IL17RC: variants seen among roughly 807,000 people sequenced by gnomAD.
IL17RC encodes interleukin-17 receptor C.
Under a neutral mutation model 86.7 loss-of-function variants are expected in IL17RC, and 53 were observed. The ratio of observed to expected loss-of-function variants is 0.61; its 90% CI spans 0.49 to 0.77. The LOEUF (loss-of-function observed/expected upper bound fraction) is 0.77, where lower values mean the gene tolerates loss of function less well. IL17RC is among the 30% of genes least tolerant of loss of function. IL17RC has a pLI of 0.00. For missense variants in IL17RC, 957 were observed against 940.0 expected, an observed-to-expected ratio of 1.02 and a Z score of -0.24; for synonymous variants, 439 against 413.1, an observed-to-expected ratio of 1.06 and a Z score of -0.76.
chr3:9,932,587 C>T (rs2084847414), intron 16 of IL17RC, 21 bp from the exon 17 acceptor site: 1 of 1,608,580 alleles, frequency 6.2e-7, no homozygotes, highest in Non-Finnish European at 8.5e-7. Flanking sequence ...GTTTCTAACT[C>T]TTCTTCTCTG....
Position 9,917,271 on chromosome 3 carries a change from G to C in IL17RC, c.-45G>C. On this transcript the variant is annotated 5_prime_UTR_variant, in exon 1 of 19. Coordinates refer to ENST00000403601, the MANE Select transcript of IL17RC (RefSeq NM_153460.4). Reference sequence around the variant, plus strand: ...GGGGTGTCTGCCCCCCTTGGGGGGGGGCAGCACAGGGCCTCAGGCCTGGGT... The same window carrying C: ...GGGGTGTCTGCCCCCCTTGGGGGGGCGCAGCACAGGGCCTCAGGCCTGGGT... 2 of 1,521,114 alleles carry C rather than the reference G, an allele frequency of 1.3e-6. No homozygotes were observed. The highest frequency in any genetic ancestry group is 8.9e-7 in the Non-Finnish European group (1 of 1,119,500). The allele number at this position is 1,521,114 out of a possible 1,614,324, so 94.2% of individuals were successfully genotyped here. A position where few individuals can be genotyped will look rare whatever the true frequency, so the allele number is the denominator to read the frequency against.
intron 7 of IL17RC, among the ~76,000 whole-genome samples, chr3:9,921,331 T>G (rs1458885082): frequency 6.6e-5 from 10 of 152,052 alleles, no homozygotes; most frequent in Non-Finnish European, 1.5e-5. Flanking sequence ...GGTGTGCATT[T>G]GTGGTCCCAG....
intron 3 of IL17RC, 100 bp downstream of exon 3, chr3:9,918,175 G>A: frequency 7.2e-7 from 1 of 1,392,604 alleles, no homozygotes; most frequent in Non-Finnish European, 9.8e-7. Flanking sequence ...GGCATCCTCA[G>A]TGTTCTCCTG....
intron 3 of IL17RC, 30 bp downstream of exon 3, chr3:9,918,105 T>C (rs1230348560): frequency 7.1e-6 from 11 of 1,552,524 alleles, no homozygotes; most frequent in Non-Finnish European, 9.6e-6. Context: ...ACAGTGCATG[T>C]GTACACGTGA....
chr3:9,920,846 C>T (rs1559295785), intron 6 of IL17RC, 79 bp from the exon 7 acceptor site: 1 of 1,162,284 alleles, frequency 8.6e-7, no homozygotes, highest in Non-Finnish European at 1.2e-6. Context: ...TTCCTAATGC[C>T]CCCCTGGGAG....
At chr3:9,929,754 C>G in intron 12 of IL17RC, 98 bp from the exon 13 acceptor site, 1 of 1,350,504 alleles carries the variant, frequency 7.4e-7, no homozygotes, top group Non-Finnish European at 1.1e-6. Flanking sequence ...GTGCAGATTC[C>G]CAACCCAACA....
At position 9,930,325 on chromosome 3, in the gene IL17RC, C is replaced by A; in HGVS notation, c.1279-75C>A. Reference sequence around the variant, plus strand: ...CCAGTCCCCTCTACCTCATTCTACCCAGCTGTAGCCTGGTAGGTGCTGCCC... The same window carrying A: ...CCAGTCCCCTCTACCTCATTCTACCAAGCTGTAGCCTGGTAGGTGCTGCCC... On this transcript the variant is annotated intron_variant, in intron 14 of 18. Transcript: ENST00000403601. This position sits in a 1 kb window ranked among gnomAD's most constrained non-coding sequence, Gnocchi z 5.8. 6.4e-7 allele frequency: 1 copy of A among 1,565,074 alleles called. No homozygotes were observed.
intron 8 of IL17RC, 65 bp downstream of exon 8, chr3:9,924,085 G>T: frequency 2.5e-6 from 4 of 1,610,742 alleles, no homozygotes; most frequent in Non-Finnish European, 3.4e-6. Flanking sequence ...AGGACGCAGT[G>T]CCATATCAGA....
chr3:9,920,165 T>C (rs2083425162), intron 5 of IL17RC, among the ~76,000 whole-genome samples: 1 of 152,122 alleles, frequency 6.6e-6, no homozygotes, highest in African/African-American at 2.4e-5. Context: ...GAACCACTTC[T>C]GTGGGGAGGG....
chr3:9,928,759 T>A, intron 12 of IL17RC, 129 bp downstream of exon 12: 1 of 908,522 alleles, frequency 1.1e-6, no homozygotes, highest in Non-Finnish European at 1.7e-6. Context: ...TTCCACTGCC[T>A]ACTTTAGTAG....
chr3:9,931,058 C>A, intron 16 of IL17RC, 115 bp downstream of exon 16: 1 of 849,636 alleles, frequency 1.2e-6, no homozygotes, highest in Non-Finnish European at 2.0e-6. Context: ...ATCAGATAAA[C>A]AGAGGGTCAT....
intron 11 of IL17RC, 44 bp from the exon 12 acceptor site, chr3:9,928,536 G>A (rs373590965): frequency 8.7e-6 from 14 of 1,612,374 alleles, no homozygotes; most frequent in African/African-American, 8.0e-5. Flanking sequence ...GTGGGGAACC[G>A]GGGGTCCCCT....
At chr3:9,921,506 G>T (rs1222116675) in intron 7 of IL17RC, among the ~76,000 whole-genome samples, 1 of 151,912 alleles carries the variant, frequency 6.6e-6, no homozygotes, top group African/African-American at 2.4e-5. Context: ...TAAAAGCTAA[G>T]AAAGTCAAGG....
intron 2 of IL17RC, 62 bp downstream of exon 2, chr3:9,917,796 AG>A: frequency 6.2e-7 from 1 of 1,609,582 alleles, no homozygotes; most frequent in Non-Finnish European, 8.5e-7. Context: ...GAGCTGTCCC[AG>A]GCCCATGCCC....
chr3:9,933,234 G>A lies in IL17RC; in HGVS notation c.1804G>A (p.Ala602Thr). 1 of 1,606,454 alleles carries A rather than the reference G, an allele frequency of 6.2e-7. No individual in the cohort carries two copies. Among genetic ancestry groups the A allele is most frequent in the Non-Finnish European group, 8.5e-7 (1 of 1,176,988 alleles). Residue 602 changes from alanine (A) to threonine (T), a missense_variant, in exon 19 of 19, where the codon GCG becomes ACG. Physicochemically the swap from Ala to Thr is moderately conservative, Grantham distance 58 (BLOSUM62 0). Coordinates refer to ENST00000403601, the MANE Select transcript of IL17RC (RefSeq NM_153460.4). ...WLQDGVSGPG[A>T]HGPHDAFRAS... ...ACAGGATGGGGTGTCCGGGCCCGGG[G>A]CGCACGGCCCGCACGACGCCTTCCG...
At chr3:9,924,426 C>A in intron 9 of IL17RC, 135 bp downstream of exon 9, 1 of 794,276 alleles carries the variant, frequency 1.3e-6, no homozygotes, top group Non-Finnish European at 2.1e-6. Flanking sequence ...GGTGGCTGGC[C>A]CTCCCTTGAC....
chr3:9,924,093 A>G, intron 8 of IL17RC, 73 bp downstream of exon 8: 1 of 1,610,620 alleles, frequency 6.2e-7, no homozygotes, highest in Admixed American at 1.7e-5. Flanking sequence ...GTGCCATATC[A>G]GAGAGGATCC....
Position 9,918,078 on chromosome 3 carries a change from G to T in IL17RC, c.280+3G>T. 1 of 1,570,170 alleles carries T rather than the reference G, an allele frequency of 6.4e-7. No individual in the cohort carries two copies. The highest frequency in any genetic ancestry group is 1.2e-5 in the South Asian group (1 of 86,228). On this transcript the variant is annotated splice_donor_region_variant and intron_variant, in intron 3 of 18. Transcript: ENST00000403601. ...GGCTGTCCACTTGGCCGTGCATGGT[G>T]AGCAAGTCATCCTGTGACAGTGCAT...
chr3:9,923,569 A>C (rs1208900115), intron 7 of IL17RC, among the ~76,000 whole-genome samples: 1 of 152,054 alleles, frequency 6.6e-6, no homozygotes, highest in Admixed American at 6.6e-5. Flanking sequence ...AAAGGACACA[A>C]GTATCAAGAG....
Sources: gnomAD v4.1 joint callset for allele counts (sites outside exome capture counted in the v4.1 genomes callset) on GRCh38, gnomAD v4.1.1 for gene constraint, Gnocchi (gnomAD v3.1) non-coding constraint, MANE v1.5 for transcripts, NCBI Gene and HGNC (gene_info 2026-07-23, HGNC 2026-07-21) for gene names.